APBB2: variants seen among roughly 807,000 people sequenced by gnomAD.
The protein encoded by APBB2 is amyloid beta precursor protein binding family B member 2, also known as Fe65-like 1.
APBB2 carries 38 observed loss-of-function variants against 82.5 expected under a neutral mutation model. The ratio of observed to expected loss-of-function variants is 0.46; its 90% CI spans 0.36 to 0.60. The LOEUF is 0.60. APBB2 is among the 20% of genes least tolerant of loss of function. APBB2 has a pLI of 0.00. For synonymous variants in APBB2, 341 were observed against 368.2 expected (o/e 0.93, Z 0.85); for missense variants, 772 against 972.3 (o/e 0.79, Z 2.74).
intron 10 of APBB2, among the ~76,000 whole-genome samples, chr4:40,915,183 T>A (rs1779541487): frequency 6.6e-6 from 1 of 152,046 alleles, no homozygotes; most frequent in Non-Finnish European, 1.5e-5. Context: ...CACCATGGGC[T>A]CCCCCCACCC....
intron 2 of APBB2, among the ~76,000 whole-genome samples, chr4:41,101,291 C>T (rs1045876502): frequency 2.7e-5 from 4 of 150,146 alleles, no homozygotes; most frequent in African/African-American, 9.8e-5. Flanking sequence ...GGTGAAACCC[C>T]GTCTCTACTA....
At chr4:41,066,407 C>T (rs974525590) in intron 3 of APBB2, among the ~76,000 whole-genome samples, 15 of 152,162 alleles carry the variant, frequency 9.9e-5, no homozygotes, top group African/African-American at 3.6e-4. Flanking sequence ...CACCCAGCAC[C>T]ATGCTAAGCA....
At chr4:40,945,095 CGGGGG>C in intron 6 of APBB2, 22 bp from the exon 7 acceptor site, 3 of 547,904 alleles carry the variant, frequency 5.5e-6, no homozygotes, top group Non-Finnish European at 6.0e-6. Flanking sequence ...GGGGGCGGGG[CGGGGG>C]GAGAAAGAGA....
At chr4:41,040,398 A>G (rs1720899129) in intron 4 of APBB2, among the ~76,000 whole-genome samples, 1 of 152,220 alleles carries the variant, frequency 6.6e-6, no homozygotes, top group Admixed American at 6.5e-5. Flanking sequence ...CACTAACGCT[A>G]TATAACATTT....
chr4:40,977,504 A>T (rs1797474826), intron 6 of APBB2, among the ~76,000 whole-genome samples: 1 of 152,002 alleles, frequency 6.6e-6, no homozygotes, highest in Non-Finnish European at 1.5e-5. Context: ...GTAAAGACAG[A>T]GTTTCGCCAT....
At chr4:40,945,197 GGTAT>G (rs1788053319) in intron 6 of APBB2, 124 bp from the exon 7 acceptor site, 1 of 711,196 alleles carries the variant, frequency 1.4e-6, no homozygotes, top group Non-Finnish European at 2.4e-6. Flanking sequence ...AGTTCTTCCT[GGTAT>G]GTTTGTGAAA....
chr4:40,902,602 T>C (rs184679057), intron 10 of APBB2, among the ~76,000 whole-genome samples: 1 of 152,288 alleles, frequency 6.6e-6, no homozygotes, highest in African/African-American at 2.4e-5. Flanking sequence ...GATACAATCA[T>C]GGCTCACTGC....
rs1773741425 is a variant in APBB2 at position 40,896,645 on chromosome 4, G to A, written c.1255-3234C>T. 2.6e-5 allele frequency among the ~76,000 whole-genome samples: 4 copies of A among 152,154 alleles called. No homozygotes were observed. In the South Asian group the frequency reaches 8.3e-4, roughly 32 times the overall value. On this transcript the variant is annotated intron_variant, in intron 10 of 17. Transcript: ENST00000508593. ...AACTCTTAACTGAATAATCAAGAAG[G>A]AAAAATGAGAGATTTGTATTAGGGT...
chr4:40,944,759 C>A (rs577603448), intron 7 of APBB2, 106 bp downstream of exon 7: 5 of 1,111,214 alleles, frequency 4.5e-6, no homozygotes, highest in Non-Finnish European at 6.7e-6. Context: ...GCACAATAAT[C>A]AAAAAGCTTA....
chr4:41,130,888 T>C (rs953918560), intron 2 of APBB2, among the ~76,000 whole-genome samples: 5 of 152,090 alleles, frequency 3.3e-5, no homozygotes, highest in Non-Finnish European at 5.9e-5. Context: ...TTCTACCTCC[T>C]TAGGATCCTG....
chr4:41,210,489 C>A (rs574706136), intron 1 of APBB2, among the ~76,000 whole-genome samples: 2 of 152,296 alleles, frequency 1.3e-5, no homozygotes, highest in Non-Finnish European at 2.9e-5. Flanking sequence ...TGTTACTCTG[C>A]CTCTGACAAA....
intron 1 of APBB2, among the ~76,000 whole-genome samples, chr4:41,151,093 G>A (rs1373277276): frequency 6.6e-6 from 1 of 152,086 alleles, no homozygotes; most frequent in Non-Finnish European, 1.5e-5. Context: ...CCATGCTCAA[G>A]AGACACATTT....
intron 12 of APBB2, among the ~76,000 whole-genome samples, chr4:40,872,347 C>T (rs556691534): frequency 7.2e-5 from 11 of 152,248 alleles, no homozygotes; most frequent in Non-Finnish European, 1.2e-4. Context: ...AGGACACGAA[C>T]GGTGACAGAA....
chr4:41,085,217 C>T (rs1215252785), intron 3 of APBB2, among the ~76,000 whole-genome samples: 2 of 147,518 alleles, frequency 1.4e-5, no homozygotes, highest in Non-Finnish European at 3.0e-5. Flanking sequence ...CACCACTGCA[C>T]TCCAGCCTGG....
At chr4:41,112,745 T>C (rs956607742) in intron 2 of APBB2, among the ~76,000 whole-genome samples, 1 of 152,082 alleles carries the variant, frequency 6.6e-6, no homozygotes, top group Non-Finnish European at 1.5e-5. Flanking sequence ...ATCCCAGCAC[T>C]TTGGGAGGCC....
At chr4:40,887,806 G>C (rs544456776) in intron 12 of APBB2, among the ~76,000 whole-genome samples, 1 of 152,158 alleles carries the variant, frequency 6.6e-6, no homozygotes, top group Non-Finnish European at 1.5e-5. Context: ...AACCCTGAGC[G>C]TATTTCGAAA....
chr4:41,183,645 G>T (rs1184841191), intron 1 of APBB2, among the ~76,000 whole-genome samples: 1 of 151,724 alleles, frequency 6.6e-6, no homozygotes, highest in Non-Finnish European at 1.5e-5. Context: ...TAGGAGAGAG[G>T]GATGGAACAG....
chr4:40,872,384 A>G (rs1381079418), intron 12 of APBB2, among the ~76,000 whole-genome samples: 3 of 152,220 alleles, frequency 2.0e-5, no homozygotes, highest in Admixed American at 2.0e-4. Context: ...TGGGACCTGC[A>G]CTAAGTCCTA....
At chr4:40,875,479 T>G (rs1766649183) in intron 12 of APBB2, among the ~76,000 whole-genome samples, 1 of 152,248 alleles carries the variant, frequency 6.6e-6, no homozygotes, top group South Asian at 2.1e-4. Context: ...GAAGTGAAAT[T>G]AATTTCAATA....
Sources: gnomAD v4.1 joint callset for allele counts (sites outside exome capture counted in the v4.1 genomes callset) on GRCh38, gnomAD v4.1.1 for gene constraint, MANE v1.5 for transcripts, NCBI Gene and HGNC (gene_info 2026-07-23, HGNC 2026-07-21) for gene names.